FOXN2: variants seen among roughly 807,000 people sequenced by gnomAD.
FOXN2 encodes forkhead box N2, also known as forkhead box protein N2.
In FOXN2, 19 loss-of-function variants were observed where a neutral mutation model predicts 41.2. That is an observed-to-expected ratio of 0.46 (90% CI 0.32 to 0.68). The LOEUF (loss-of-function observed/expected upper bound fraction) is 0.68, where lower values mean the gene tolerates loss of function less well. Ranked by LOEUF, FOXN2 falls within the 30% of genes least tolerant of loss-of-function variation. The pLI is 0.03. For missense variants in FOXN2, 587 were observed against 509.4 expected, an observed-to-expected ratio of 1.15 and a Z score of -1.47; for synonymous variants, 195 against 176.8, an observed-to-expected ratio of 1.10 and a Z score of -0.82.
intron 2 of FOXN2, among the ~76,000 whole-genome samples, chr2:48,345,756 C>T (rs1671054484): frequency 1.3e-5 from 2 of 151,916 alleles, no homozygotes; most frequent in South Asian, 4.2e-4. Context: ...TAAAATATTG[C>T]TTAAATATTT....
upstream of FOXN2, chr2:48,314,656 G>T (rs920328252): frequency 1.3e-5 from 2 of 152,782 alleles, no homozygotes; most frequent in African/African-American, 2.4e-5. Context: ...CGAGCGGGAG[G>T]GGGATGTGGT....
rs1672559457 is a variant in FOXN2, at chr2:48,366,709, C to T, written c.703+4002C>T. 5.3e-5 allele frequency among the ~76,000 whole-genome samples: 8 copies of T among 151,958 alleles called. No homozygotes were observed. The South Asian group carries it at 1.7e-3, about 32-fold the overall frequency. ...ACAACCCTCTGAGGTATTGCTGCCC[C>T]TCTTTTACAGATAAGCAAACTGAAG... On this transcript the variant is annotated intron_variant, in intron 5 of 6. Transcript: ENST00000340553.
At chr2:48,361,547 A>G (rs1479657767) in intron 4 of FOXN2, among the ~76,000 whole-genome samples, 3 of 152,098 alleles carry the variant, frequency 2.0e-5, no homozygotes. Context: ...ATAAAATGAA[A>G]CATTTTGCCC....
chr2:48,365,377 G>A (rs1439339682), intron 5 of FOXN2, among the ~76,000 whole-genome samples: 1 of 152,132 alleles, frequency 6.6e-6, no homozygotes, highest in Non-Finnish European at 1.5e-5. Flanking sequence ...TTTAGGTATT[G>A]CCAAAATGCC....
At chr2:48,373,734 T>C (rs954332352) in intron 6 of FOXN2, among the ~76,000 whole-genome samples, 1 of 151,884 alleles carries the variant, frequency 6.6e-6, no homozygotes, top group African/African-American at 2.4e-5. Context: ...AGGAAAAAAA[T>C]GGGTAAATTT....
At chr2:48,373,415 C>G (rs1673037246) in intron 6 of FOXN2, 55 bp downstream of exon 6, 2 of 1,017,438 alleles carry the variant, frequency 2.0e-6, no homozygotes, top group Non-Finnish European at 3.0e-6. Flanking sequence ...CAAATTTAAC[C>G]TAGACTATAA....
intron 2 of FOXN2, among the ~76,000 whole-genome samples, chr2:48,332,013 A>C (rs1263376845): frequency 6.6e-6 from 1 of 152,170 alleles, no homozygotes; most frequent in African/African-American, 2.4e-5. Flanking sequence ...TCAAAAATGG[A>C]TGGAAAAATT....
chr2:48,364,282 C>T (rs1462193986), intron 5 of FOXN2, among the ~76,000 whole-genome samples: 1 of 152,066 alleles, frequency 6.6e-6, no homozygotes, highest in East Asian at 1.9e-4. Flanking sequence ...GGCCAGAGGG[C>T]AATGGCACAG....
intron 1 of FOXN2, among the ~76,000 whole-genome samples, chr2:48,326,206 G>A (rs976674630): frequency 6.6e-6 from 1 of 152,170 alleles, no homozygotes; most frequent in African/African-American, 2.4e-5. Flanking sequence ...GTTAGCCAGG[G>A]TTAGGTGGAA....
chr2:48,346,309 G>A lies in FOXN2; in HGVS notation c.95G>A (p.Ser32Asn), dbSNP rs1396996019. The change falls in exon 3 of 7, where the codon AGC becomes AAC. Residue 32 changes from serine to asparagine, a missense_variant. Physicochemically the swap from Ser to Asn is conservative, Grantham distance 46. Transcript: ENST00000340553. ...AGLSQIYKMG[S>N]LPEAVDAARP... ...TTAAGCCAGATTTACAAAATGGGAA[G>A]CTTGCCTGAAGCTGTTGATGCTGCC... 2 of 1,614,202 alleles carry A rather than the reference G, an allele frequency of 1.2e-6. No individual in the cohort carries two copies. Among genetic ancestry groups the A allele is most frequent in the Non-Finnish European group, 1.7e-6 (2 of 1,180,034 alleles).
At chr2:48,328,739 T>C (rs1440316164) in intron 2 of FOXN2, 37 bp downstream of exon 2, 1 of 152,238 alleles carries the variant, frequency 6.6e-6, no homozygotes, top group Non-Finnish European at 1.5e-5. Context: ...TTATTTTTGC[T>C]CTTTGATTTC....
Position 48,375,549 on chromosome 2 carries a change from T to G in FOXN2, c.*106T>G. On this transcript the variant is annotated 3_prime_UTR_variant, in exon 7 of 7. Coordinates refer to ENST00000340553, the MANE Select transcript of FOXN2 (RefSeq NM_002158.4). ...AGGGTAGGGAAGGGATACTAATTAC[T>G]TATTTCTTTCAAAACATTTTTGGTT... 1 of 1,160,658 alleles carries G rather than the reference T, an allele frequency of 8.6e-7. No individual in the cohort carries two copies. Among genetic ancestry groups the G allele is most frequent in the Non-Finnish European group, 1.2e-6 (1 of 850,392 alleles). 71.9% of individuals were successfully genotyped at this position (1,160,658 alleles called of 1,614,324 possible). A position where few individuals can be genotyped will look rare whatever the true frequency, so the allele number is the denominator to read the frequency against.
At chr2:48,368,313 A>G (rs1265374927) in intron 5 of FOXN2, among the ~76,000 whole-genome samples, 2 of 152,248 alleles carry the variant, frequency 1.3e-5, no homozygotes, top group Admixed American at 6.5e-5. Flanking sequence ...TACTTTATCA[A>G]TGAAAAAATA....
At chr2:48,333,149 TAG>T (rs1670120822) in intron 2 of FOXN2, among the ~76,000 whole-genome samples, 1 of 152,140 alleles carries the variant, frequency 6.6e-6, no homozygotes, top group Non-Finnish European at 1.5e-5. Context: ...ATATTTACGA[TAG>T]ACTCTAAGCA....
At chr2:48,349,235 C>T (rs1640037931) in intron 3 of FOXN2, among the ~76,000 whole-genome samples, 1 of 152,132 alleles carries the variant, frequency 6.6e-6, no homozygotes, top group South Asian at 2.1e-4. Context: ...CCTGTAATCC[C>T]AGCACTTTGG....
At chr2:48,323,170 T>G (rs1403500915) in intron 1 of FOXN2, among the ~76,000 whole-genome samples, 1 of 152,144 alleles carries the variant, frequency 6.6e-6, no homozygotes, top group Non-Finnish European at 1.5e-5. Context: ...TTCTGTTTTT[T>G]TTTTATAACT....
At chr2:48,374,563 A>G in intron 6 of FOXN2, among the ~76,000 whole-genome samples, 1 of 152,186 alleles carries the variant, frequency 6.6e-6, no homozygotes, top group Non-Finnish European at 1.5e-5. Context: ...AAGAAAAGGC[A>G]TCCAGAAGGA....
chr2:48,314,069 A>G (rs1239197589), upstream of FOXN2, among the ~76,000 whole-genome samples: 1 of 152,234 alleles, frequency 6.6e-6, no homozygotes, highest in African/African-American at 2.4e-5. Flanking sequence ...AGAACATTTC[A>G]GTCAAGCCAG....
At chr2:48,331,256 A>G (rs1670002900) in intron 2 of FOXN2, among the ~76,000 whole-genome samples, 1 of 152,182 alleles carries the variant, frequency 6.6e-6, no homozygotes, top group Admixed American at 6.5e-5. Flanking sequence ...TCCCAGTAAG[A>G]ATTCTTAGAC....
Sources: allele counts gnomAD v4.1 joint callset (sites outside exome capture counted in the v4.1 genomes callset), GRCh38; gene constraint gnomAD v4.1.1; transcripts MANE v1.5; gene names NCBI Gene and HGNC (gene_info 2026-07-23, HGNC 2026-07-21).